The following UCKL1 variants were observed in gnomAD, a reference collection of about 807,000 sequenced individuals.
UCKL1 encodes uridine-cytidine kinase-like 1.
A neutral mutation model predicts 59.2 loss-of-function variants in UCKL1; 65 were observed. That is an observed-to-expected ratio of 1.10 (90% CI 0.90 to 1.35). UCKL1 has a LOEUF of 1.35. Among genes scored for constraint, UCKL1 ranks in the 40% most tolerant of loss-of-function variants. The probability of loss-of-function intolerance (pLI) is 0.00; values close to 1 mark genes in which losing one functional copy is unlikely to be tolerated. For synonymous variants in UCKL1, 410 were observed against 323.1 expected (o/e 1.27, Z -2.88); for missense variants, 703 against 784.3 (o/e 0.90, Z 1.24).
At chr20:63,945,751 C>CTG (rs1219410375) in intron 4 of UCKL1, 29 bp from the exon 5 acceptor site, 2 of 1,612,824 alleles carry the variant, frequency 1.2e-6, no homozygotes, top group South Asian at 2.2e-5. Flanking sequence ...GTTGCGGAGC[C>CTG]TGGCTCATGT....
At position 63,940,726 on chromosome 20, in the gene UCKL1, G is replaced by A. The variant is rs1600940207; in HGVS notation, c.1180-10C>T. The A allele has an allele frequency of 6.2e-7, 1 of 1,607,278 alleles. No homozygotes were observed. Among genetic ancestry groups the A allele is most frequent in the Admixed American group, 1.7e-5 (1 of 59,596 alleles). On this transcript the variant is annotated splice_polypyrimidine_tract_variant and intron_variant, in intron 11 of 14. Coordinates refer to ENST00000354216, the MANE Select transcript of UCKL1 (RefSeq NM_017859.4). ...TGGACACACCGGTGATCTGCGGGGA[G>A]GGGAGGCTAAGCGCCCACATCCCGC...
chr20:63,947,475 C>A (rs571779962), intron 1 of UCKL1, among the ~76,000 whole-genome samples: 1 of 152,188 alleles, frequency 6.6e-6, no homozygotes, highest in Non-Finnish European at 1.5e-5. Context: ...GCGCACACAC[C>A]GAGGGTGAGG....
chr20:63,947,877 G>C (rs1436673399), intron 1 of UCKL1, among the ~76,000 whole-genome samples: 3 of 152,238 alleles, frequency 2.0e-5, no homozygotes, highest in Non-Finnish European at 4.4e-5. Flanking sequence ...GCACTCAGGC[G>C]CCTGCCAACT....
intron 1 of UCKL1, among the ~76,000 whole-genome samples, chr20:63,948,840 T>G (rs899345011): frequency 6.6e-6 from 1 of 151,874 alleles, no homozygotes; most frequent in African/African-American, 2.4e-5. Context: ...TTTGTTGCCA[T>G]AAACCAAACC....
intron 7 of UCKL1, among the ~76,000 whole-genome samples, chr20:63,944,150 G>A (rs902927319): frequency 6.6e-6 from 1 of 152,208 alleles, no homozygotes; most frequent in Non-Finnish European, 1.5e-5. Flanking sequence ...ACCCTCGGCT[G>A]GGTCCTGAGC....
chr20:63,945,805 C>T lies in UCKL1; in HGVS notation c.582G>A (p.Trp194Ter). The T allele has an allele frequency of 6.2e-7, 1 of 1,613,574 alleles. No homozygotes were observed. Among genetic ancestry groups the T allele is most frequent in the Non-Finnish European group, 8.5e-7 (1 of 1,179,988 alleles). The change falls in exon 4 of 15, where the codon TGG becomes TGA. Residue 194 changes from tryptophan to a stop codon, truncating the protein, a stop_gained and splice_region_variant. Transcript: ENST00000354216. LOFTEE classifies it high-confidence loss of function. ...CCCCCTCTGCAGGGCCCTGGCCTACCCAGTCCTTCTTCCGGCTGTGCGTGG... is the reference window on the plus strand; with the variant it reads ...CCCCCTCTGCAGGGCCCTGGCCTACTCAGTCCTTCTTCCGGCTGTGCGTGG... ...DFTTHSRKKDWKTLYGANVII... is the reference protein window; with the variant it reads ...DFTTHSRKKD
chr20:63,940,740 C>A, intron 11 of UCKL1, 24 bp from the exon 12 acceptor site: 1 of 1,606,682 alleles, frequency 6.2e-7, no homozygotes, highest in South Asian at 1.1e-5. Flanking sequence ...AGGCTAAGCG[C>A]CCACATCCCG....
At chr20:63,943,235 C>T (rs980286825) in intron 8 of UCKL1, among the ~76,000 whole-genome samples, 4 of 152,222 alleles carry the variant, frequency 2.6e-5, no homozygotes, top group African/African-American at 9.6e-5. Flanking sequence ...CACCTGCAAC[C>T]AGGGAAAGCT....
chr20:63,944,514 ACCC>A, intron 6 of UCKL1, 28 bp downstream of exon 6: 1 of 1,595,732 alleles, frequency 6.3e-7, no homozygotes, highest in Non-Finnish European at 8.5e-7. Flanking sequence ...CCTGCCCGAC[ACCC>A]ACCCAACAGG....
intron 5 of UCKL1, 63 bp from the exon 6 acceptor site, chr20:63,944,797 C>T (rs1469348352): frequency 2.5e-6 from 4 of 1,583,396 alleles, no homozygotes; most frequent in Non-Finnish European, 3.4e-6. Flanking sequence ...GACACTGGGA[C>T]CAGCCCCTGC....
In UCKL1 at chr20:63,946,440, C is replaced by G. The variant is rs3818841; in HGVS notation, c.304+13G>C. Reference sequence around the variant, plus strand: ...GCGTCCGGCAGCAGGTCCCACCCCCCCGCTGCTCTCACCGATGGCGAAGGC... The same window carrying G: ...GCGTCCGGCAGCAGGTCCCACCCCCGCGCTGCTCTCACCGATGGCGAAGGC... On this transcript the variant is annotated intron_variant, in intron 2 of 14. Transcript: ENST00000354216. 5.2e-5 allele frequency: 80 copies of G among 1,539,166 alleles called. No homozygotes were observed. Among genetic ancestry groups the G allele is most frequent in the Non-Finnish European group, 6.5e-5 (74 of 1,140,912 alleles).
intron 5 of UCKL1, 88 bp from the exon 6 acceptor site, chr20:63,944,822 G>C: frequency 6.6e-7 from 1 of 1,509,912 alleles, no homozygotes; most frequent in Non-Finnish European, 8.9e-7. Context: ...AGGCCGCCTG[G>C]TCCGTGGGCC....
At chr20:63,941,369 A>G in intron 8 of UCKL1, 161 bp from the exon 9 acceptor site, 1 of 1,131,390 alleles carries the variant, frequency 8.8e-7, no homozygotes, top group East Asian at 2.7e-5. Context: ...AGCTGGGGGG[A>G]GACGTCGCCC....
intron 1 of UCKL1, among the ~76,000 whole-genome samples, chr20:63,952,571 G>A (rs929265541): frequency 2.0e-5 from 3 of 152,208 alleles, no homozygotes; most frequent in Middle Eastern, 3.2e-3. Context: ...TTCCTCCCAG[G>A]TTCTAACTTC....
chr20:63,948,864 G>A (rs1200441939), intron 1 of UCKL1, among the ~76,000 whole-genome samples: 1 of 151,948 alleles, frequency 6.6e-6, no homozygotes, highest in Non-Finnish European at 1.5e-5. Context: ...GTCTGTCTTT[G>A]AAGGTGGCAT....
rs139120395 is a variant in UCKL1 at position 63,940,016 on chromosome 20, G to A, written c.1607C>T (p.Pro536Leu). Residue 536 changes from proline (P) to leucine (L), a missense_variant, in exon 15 of 15, where the codon CCC becomes CTC. By Grantham distance (98) the Pro-to-Leu change is moderately conservative. Around this residue, in one of 4 missense-constraint regions of UCKL1, gnomAD observed 124 missense variants for 161.1 expected, o/e 0.77. Coordinates refer to ENST00000354216, the MANE Select transcript of UCKL1 (RefSeq NM_017859.4). ...GDRYFGTDAV[P>L]DGSDEEEVAY... ...CACTTCCTCCTCGTCACTGCCATCGGGGACCGCGTCTGTCCCAAAGTAGCG... is the reference window on the plus strand; with the variant it reads ...CACTTCCTCCTCGTCACTGCCATCGAGGACCGCGTCTGTCCCAAAGTAGCG... The A allele has an allele frequency of 1.5e-5, 24 of 1,611,812 alleles. No homozygotes were observed. Among genetic ancestry groups the A allele is most frequent in the African/African-American group, 1.2e-4 (9 of 74,810 alleles).
rs375330100 is a variant in UCKL1, at chr20:63,944,587, T to G, written c.802A>C (p.Ile268Leu). The G allele has an allele frequency of 2.5e-6, 4 of 1,612,962 alleles. No homozygotes were observed. The East Asian group carries it at 6.7e-5, about 27-fold the overall frequency. The change falls in exon 6 of 15, where the codon ATC becomes CTC. Residue 268 changes from isoleucine to leucine, a missense_variant. Physicochemically the swap from Ile to Leu is conservative, Grantham distance 5. Coordinates refer to ENST00000354216, the MANE Select transcript of UCKL1 (RefSeq NM_017859.4). ...TCTGCCAGGCGCATGGTGGGCTGGA[T>G]GTACTGGTCGAAGGAGGGCTTGACA... ...KFVKPSFDQY[I>L]QPTMRLADIV... is the part of the protein sequence containing the mutation.
Position 63,945,645 on chromosome 20 carries a change from G to C in UCKL1, c.654+6C>G. 8 of 1,612,734 alleles carry C rather than the reference G, an allele frequency of 5.0e-6. No individual in the cohort carries two copies. Among genetic ancestry groups the C allele is most frequent in the Non-Finnish European group, 6.8e-6 (8 of 1,179,732 alleles). ...AGCGGGGTGGGTATTCCCGGCGGGTGCTTACCTCCAACAGTGTCTTGTCAG... is the reference window on the plus strand; with the variant it reads ...AGCGGGGTGGGTATTCCCGGCGGGTCCTTACCTCCAACAGTGTCTTGTCAG... On this transcript the variant is annotated splice_donor_region_variant and intron_variant, in intron 5 of 14. Coordinates refer to ENST00000354216, the MANE Select transcript of UCKL1 (RefSeq NM_017859.4).
chr20:63,948,375 T>C (rs1172913794), intron 1 of UCKL1: 1 of 151,552 alleles, frequency 6.6e-6, no homozygotes, highest in Non-Finnish European at 1.5e-5. Context: ...CCACAGGAAA[T>C]GGAACGCTCC....
Sources: allele counts gnomAD v4.1 joint callset (sites outside exome capture counted in the v4.1 genomes callset), GRCh38; gene constraint gnomAD v4.1.1; regional missense constraint gnomAD v4.1.1; transcripts MANE v1.5; gene names NCBI Gene and HGNC (gene_info 2026-07-23, HGNC 2026-07-21).